Variants in ASPM observed in about 807,000 individuals in gnomAD.
ASPM encodes the protein abnormal spindle-like microcephaly-associated protein.
Under a neutral mutation model 366.4 loss-of-function variants are expected in ASPM, and 256 were observed. The ratio of observed to expected loss-of-function variants is 0.70; its 90% CI spans 0.63 to 0.77. ASPM has a LOEUF of 0.77. ASPM is among the 30% of genes least tolerant of loss of function. ASPM has a pLI of 0.00. For synonymous variants in ASPM, 1,414 were observed against 1,342.9 expected (o/e 1.05, Z -1.16); for missense variants, 4,146 against 4,090.4 (o/e 1.01, Z -0.37).
chr1:197,101,347 C>A lies in ASPM; in HGVS notation c.7904G>T (p.Cys2635Phe). Reference protein sequence around the residue: ...HQAAIIIQKHCKAFKIRKHYL... With the variant: ...HQAAIIIQKHFKAFKIRKHYL... ...ATGCTTCCTTATTTTAAAGGCTTTA[C>A]AATGCTTCTGAATAATAATGGCAGC... Residue 2635 changes from cysteine (C) to phenylalanine (F), a missense_variant, in exon 18 of 28, where the codon TGT becomes TTT. Transcript: ENST00000367409. 6.2e-7 allele frequency: 1 copy of A among 1,610,774 alleles called. No homozygotes were observed. Among genetic ancestry groups the A allele is most frequent in the Non-Finnish European group, 8.5e-7 (1 of 1,178,862 alleles).
intron 20 of ASPM, among the ~76,000 whole-genome samples, chr1:197,093,664 A>G (rs1656862952): frequency 6.6e-6 from 1 of 151,830 alleles, no homozygotes; most frequent in Non-Finnish European, 1.5e-5. Flanking sequence ...CCACTAGCAC[A>G]CCTTAGATTC....
chr1:197,086,941 C>G lies in ASPM; in HGVS notation c.10193G>C (p.Arg3398Pro). Residue 3398 changes from arginine (R) to proline (P), a missense_variant, in exon 27 of 28, where the codon CGT (arginine) becomes CCT (proline). By Grantham distance (103) the Arg-to-Pro change is moderately radical. Around this residue, in one of 3 missense-constraint regions of ASPM, gnomAD observed 3,624 missense variants for 3,591.7 expected, o/e 1.01. Coordinates refer to ENST00000367409, the MANE Select transcript of ASPM (RefSeq NM_018136.5). ...TGTAAGTTTGTAGAGACTGTAAATA[C>G]GGTCAACAACTTTGGACCTACTTCG... ...DVRSRSKVVD[R>P]IYSLYKLTAH... 2 of 1,610,210 alleles carry G rather than the reference C, an allele frequency of 1.2e-6. No homozygotes were observed. The highest frequency in any genetic ancestry group is 1.7e-6 in the Non-Finnish European group (2 of 1,179,370).
chr1:197,119,051 C>A (rs559981582), intron 16 of ASPM, among the ~76,000 whole-genome samples: 2 of 152,134 alleles, frequency 1.3e-5, no homozygotes, highest in African/African-American at 2.4e-5. Flanking sequence ...GGTATCTGTG[C>A]ATGAAAATTG....
intron 25 of ASPM, 36 bp from the exon 26 acceptor site, chr1:197,088,468 A>T: frequency 6.5e-7 from 1 of 1,546,934 alleles, no homozygotes; most frequent in Non-Finnish European, 8.8e-7. Flanking sequence ...AAGTTGTAAT[A>T]AACACATACA....
At position 197,102,877 on chromosome 1, in the gene ASPM, G is replaced by T. The variant is rs1657245229; in HGVS notation, c.6374C>A (p.Ala2125Asp). 1 of 1,612,460 alleles carries T rather than the reference G, an allele frequency of 6.2e-7. No homozygotes were observed. The highest frequency in any genetic ancestry group is 1.3e-5 in the African/African-American group (1 of 74,902). Residue 2125 changes from alanine (A) to aspartate (D), a missense_variant, in exon 18 of 28, where the codon GCC becomes GAC. By Grantham distance (126) the Ala-to-Asp change is moderately radical (BLOSUM62 -2). Coordinates refer to ENST00000367409, the MANE Select transcript of ASPM (RefSeq NM_018136.5). ...TCTTGACTGATGCATTTTAAACATG[G>T]CTTTAATAAAAGTGGCTGCCCTGTG... ...HMHRAATFIK[A>D]MFKMHQSRIS... is the part of the protein sequence containing the mutation.
intron 6 of ASPM, 42 bp downstream of exon 6, chr1:197,133,308 G>C: frequency 6.3e-7 from 1 of 1,574,904 alleles, no homozygotes; most frequent in Non-Finnish European, 8.6e-7. Context: ...TCTCTTGAAT[G>C]TTTTTAAAGA....
In ASPM at chr1:197,104,152, T is replaced by G; in HGVS notation, c.5099A>C (p.His1700Pro). ...GATAAATAGTGCAGCTGCTCTTAAATGCAAATATTGTTTACGTGTTTGTTT... is the reference window on the plus strand; with the variant it reads ...GATAAATAGTGCAGCTGCTCTTAAAGGCAAATATTGTTTACGTGTTTGTTT... The part of the protein sequence containing the change: ...KMKQTRKQYL[H>P]LRAAALFIQQ... The change falls in exon 18 of 28, where the codon CAT (histidine) becomes CCT (proline). Residue 1700 changes from histidine to proline, a missense_variant. Transcript: ENST00000367409. The G allele has an allele frequency of 6.2e-7, 1 of 1,612,876 alleles. No homozygotes were observed. Among genetic ancestry groups the G allele is most frequent in the Non-Finnish European group, 8.5e-7 (1 of 1,179,368 alleles).
intron 3 of ASPM, among the ~76,000 whole-genome samples, chr1:197,141,601 T>C (rs1007173794): frequency 6.6e-6 from 1 of 152,118 alleles, no homozygotes; most frequent in Admixed American, 6.5e-5. Context: ...CTGCAACCAT[T>C]TTCTTCTTTA....
At chr1:197,092,168 T>C (rs536368065) in intron 21 of ASPM, 112 bp from the exon 22 acceptor site, 1 of 989,432 alleles carries the variant, frequency 1.0e-6, no homozygotes, top group African/African-American at 1.6e-5. Context: ...AAGAATAAAC[T>C]AATTTTTAAT....
At chr1:197,119,181 C>A (rs1413569414) in intron 16 of ASPM, among the ~76,000 whole-genome samples, 12 of 152,194 alleles carry the variant, frequency 7.9e-5, no homozygotes, top group South Asian at 2.1e-4. Flanking sequence ...TGGATCATTC[C>A]TCTGGGGAGA....
At chr1:197,136,893 A>G (rs746612434) in intron 4 of ASPM, among the ~76,000 whole-genome samples, 9 of 152,156 alleles carry the variant, frequency 5.9e-5, no homozygotes, top group Non-Finnish European at 1.3e-4. Flanking sequence ...TGAACAGAGT[A>G]AAAATATGCC....
rs772722368 is a variant in ASPM, at chr1:197,093,032, T to A, written c.9294+20A>T. The stretch of plus-strand genomic sequence containing the variant: ...GCTTTCATTTTATAAGAATGAGATA[T>A]GCTACTTGAAAATACTTACTCTTTT... On this transcript the variant is annotated intron_variant, in intron 21 of 27. Coordinates refer to ENST00000367409, the MANE Select transcript of ASPM (RefSeq NM_018136.5). 1.9e-6 allele frequency: 3 copies of A among 1,563,520 alleles called. No homozygotes were observed. In the Admixed American group the frequency reaches 5.0e-5, roughly 26 times the overall value.
chr1:197,090,038 C>A lies in ASPM; in HGVS notation c.9876G>T (p.Gln3292His). ...LSPLCCENMA[Q>H]SGAISKIFVL... is the part of the protein sequence containing the mutation. ...CAAATATTTTAGAAATTGCTCCACTCTGGGCCATGTTCTCACAACAAAGTG... is the reference window on the plus strand; with the variant it reads ...CAAATATTTTAGAAATTGCTCCACTATGGGCCATGTTCTCACAACAAAGTG... Residue 3292 changes from glutamine to histidine, a missense_variant, in exon 25 of 28, where the codon CAG becomes CAT. Gln to His is a conservative substitution (Grantham distance 24). Coordinates refer to ENST00000367409, the MANE Select transcript of ASPM (RefSeq NM_018136.5). 6.2e-7 allele frequency: 1 copy of A among 1,613,408 alleles called. No homozygotes were observed. The highest frequency in any genetic ancestry group is 1.3e-5 in the African/African-American group (1 of 74,978).
Position 197,143,614 on chromosome 1 carries a change from AT to A in ASPM, c.637del (p.Ile213TyrfsTer47), listed in dbSNP as rs587783258. The A allele has an allele frequency of 1.2e-6, 2 of 1,613,108 alleles. No individual in the cohort carries two copies. Among genetic ancestry groups the A allele is most frequent in the African/African-American group, 2.7e-5 (2 of 75,048 alleles). ...GGPPTENNSLILEENKIPISP... is the reference protein window; with the variant it reads ...GGPPTENNSLXLEENKIPISP... ...TATGGGTATTTTATTTTCTTCAAGTATTAAAGAATTGTTTTCTGTTGGGGGA... is the reference window on the plus strand; with the variant it reads ...TATGGGTATTTTATTTTCTTCAAGTATAAAGAATTGTTTTCTGTTGGGGGA... On this transcript the variant is annotated frameshift_variant, in exon 3 of 28. Transcript: ENST00000367409. LOFTEE classifies it high-confidence loss of function.
chr1:197,122,475 A>G lies in ASPM; in HGVS notation c.3511T>C (p.Cys1171Arg). The change falls in exon 14 of 28, where the codon TGT becomes CGT. Residue 1171 changes from cysteine (C) to arginine (R), a missense_variant. Physicochemically the swap from Cys to Arg is radical, Grantham distance 180. Coordinates refer to ENST00000367409, the MANE Select transcript of ASPM (RefSeq NM_018136.5). Reference protein sequence around the residue: ...ICQRTTQTVECTQTGSVVLNS... With the variant: ...ICQRTTQTVERTQTGSVVLNS... ...AATACCACTGAACCAGTTTGCGTAC[A>G]TTCCACAGTTTGAGTAGTACGCTGA... 1.2e-6 allele frequency: 2 copies of G among 1,613,868 alleles called. No individual in the cohort carries two copies. Among genetic ancestry groups the G allele is most frequent in the Non-Finnish European group, 1.7e-6 (2 of 1,179,820 alleles).
intron 18 of ASPM, among the ~76,000 whole-genome samples, chr1:197,097,975 T>C (rs1206951478): frequency 6.7e-6 from 1 of 148,658 alleles, no homozygotes; most frequent in African/African-American, 2.4e-5. Context: ...TGTATAGATA[T>C]ACGTGTGTGT....
In ASPM at chr1:197,084,295, A is replaced by C. The variant is rs765763857; in HGVS notation, c.*29T>G. 1.3e-5 allele frequency: 20 copies of C among 1,495,998 alleles called. No homozygotes were observed. Among genetic ancestry groups the C allele is most frequent in the Non-Finnish European group, 1.9e-5 (20 of 1,073,596 alleles). 92.7% of individuals were successfully genotyped at this position (1,495,998 alleles called of 1,614,324 possible). On this transcript the variant is annotated 3_prime_UTR_variant, in exon 28 of 28. Coordinates refer to ENST00000367409, the MANE Select transcript of ASPM (RefSeq NM_018136.5). Reference sequence around the variant, plus strand: ...ATGATTGGCTTTAATATTTCTTTACACTATACATACTGAAAATGTTTACAT... The same window carrying C: ...ATGATTGGCTTTAATATTTCTTTACCCTATACATACTGAAAATGTTTACAT...
chr1:197,115,569 GTT>G (rs962292642), intron 17 of ASPM, among the ~76,000 whole-genome samples: 4 of 152,112 alleles, frequency 2.6e-5, no homozygotes, highest in African/African-American at 9.7e-5. Context: ...ACAAAAATGT[GTT>G]TCTTAAATAA....
Position 197,101,153 on chromosome 1 carries a change from G to C in ASPM, c.8098C>G (p.Arg2700Gly). ...RAATLIQSFYRMHRAKVDYET... is the reference protein window; with the variant it reads ...RAATLIQSFYGMHRAKVDYET... ...TAATCAACTTTGGCCCTGTGCATTC[G>C]ATAGAATGACTGAATTAGTGTGGCA... Residue 2700 changes from arginine to glycine, a missense_variant, in exon 18 of 28, where the codon CGA (arginine) becomes GGA (glycine). Arg to Gly is a moderately radical substitution (Grantham distance 125). Around this residue, in one of 3 missense-constraint regions of ASPM, gnomAD observed 3,624 missense variants for 3,591.7 expected, o/e 1.01. Coordinates refer to ENST00000367409, the MANE Select transcript of ASPM (RefSeq NM_018136.5). 1 of 1,612,164 alleles carries C rather than the reference G, an allele frequency of 6.2e-7. No individual in the cohort carries two copies. The highest frequency in any genetic ancestry group is 2.2e-5 in the East Asian group (1 of 44,754).
Sources: gnomAD v4.1 joint callset for allele counts (sites outside exome capture counted in the v4.1 genomes callset) on GRCh38, gnomAD v4.1.1 for gene constraint, gnomAD v4.1.1 regional missense constraint, MANE v1.5 for transcripts, NCBI Gene and HGNC (gene_info 2026-07-23, HGNC 2026-07-21) for gene names.